TOP1MT: variants seen among roughly 807,000 people sequenced by gnomAD.
The protein encoded by TOP1MT is DNA topoisomerase I, mitochondrial.
TOP1MT carries 80 observed loss-of-function variants against 73.9 expected under a neutral mutation model. The observed-to-expected ratio is 1.08, with a 90% CI of 0.90 to 1.30. TOP1MT has a LOEUF of 1.30. Among genes scored for constraint, TOP1MT ranks in the 50% most tolerant of loss-of-function variants. The pLI is 0.00. For synonymous variants in TOP1MT, 338 were observed against 326.4 expected, an observed-to-expected ratio of 1.04 and a Z score of -0.38; for missense variants, 815 against 808.0, an observed-to-expected ratio of 1.01 and a Z score of -0.10.
At chr8:143,325,586 C>A in intron 4 of TOP1MT, 53 bp from the exon 5 acceptor site, 1 of 1,544,456 alleles carries the variant, frequency 6.5e-7, no homozygotes, top group Non-Finnish European at 8.9e-7. Context: ...AGAGAACAGG[C>A]CTCAGTCCGT....
In TOP1MT at chr8:143,318,097, A is replaced by G. The variant is rs1348120195; in HGVS notation, c.1147-11T>C. On this transcript the variant is annotated splice_polypyrimidine_tract_variant and intron_variant, in intron 8 of 13. Transcript: ENST00000329245. ...TAAGTTCTTGTACACCTGAAGGAGA[A>G]AGAAGGAATTTCAGAGGACAGAAAA... is the stretch of plus-strand genomic sequence containing the variant. 6.2e-7 allele frequency: 1 copy of G among 1,613,790 alleles called. No individual in the cohort carries two copies. The highest frequency in any genetic ancestry group is 8.5e-7 in the Non-Finnish European group (1 of 1,179,718).
intron 1 of TOP1MT, among the ~76,000 whole-genome samples, chr8:143,350,006 T>G (rs922570843): frequency 6.6e-6 from 1 of 152,146 alleles, no homozygotes; most frequent in African/African-American, 2.4e-5. Flanking sequence ...ATTACACCAA[T>G]TCAAAACTTA....
chr8:143,320,547 G>A (rs1816302405), intron 8 of TOP1MT, among the ~76,000 whole-genome samples: 1 of 152,238 alleles, frequency 6.6e-6, no homozygotes, highest in Non-Finnish European at 1.5e-5. Context: ...GATTACAGGA[G>A]TGCACCACCA....
chr8:143,351,028 G>C (rs1200533015), intron 1 of TOP1MT, among the ~76,000 whole-genome samples: 1 of 152,116 alleles, frequency 6.6e-6, no homozygotes, highest in African/African-American at 2.4e-5. Flanking sequence ...CTTGGTATCT[G>C]ATCGCCTTCA....
intron 10 of TOP1MT, among the ~76,000 whole-genome samples, chr8:143,317,031 G>A (rs1816183012): frequency 6.6e-6 from 1 of 152,244 alleles, no homozygotes; most frequent in African/African-American, 2.4e-5. Flanking sequence ...GGCCTCTGAG[G>A]CCCACGGGTG....
At chr8:143,322,371 G>GGCACGCCACACAC (rs1816463182) in intron 7 of TOP1MT, among the ~76,000 whole-genome samples, 2 of 29,656 alleles carry the variant, frequency 6.7e-5, no homozygotes, top group South Asian at 1.8e-3. Context: ...CACACACACA[G>GGCACGCCACACAC]GCACGCCACA....
chr8:143,322,720 CACAG>C (rs1253067253), intron 7 of TOP1MT, among the ~76,000 whole-genome samples: 1 of 22,268 alleles, frequency 4.5e-5, no homozygotes, highest in Non-Finnish European at 7.7e-5. Flanking sequence ...GCACGCCACA[CACAG>C]GCACGCCACA....
intron 7 of TOP1MT, among the ~76,000 whole-genome samples, chr8:143,323,067 CCACA>C (rs1316180049): frequency 8.0e-6 from 1 of 124,246 alleles, no homozygotes; most frequent in African/African-American, 3.4e-5. Flanking sequence ...CACAGGCACA[CCACA>C]CACGCACGCC....
upstream of TOP1MT, among the ~76,000 whole-genome samples, chr8:143,347,046 G>C: frequency 6.6e-6 from 1 of 151,746 alleles, no homozygotes. Context: ...GTGCAGTGGT[G>C]TGATCTTGGC....
At chr8:143,336,423 GA>G (rs778376632), upstream of TOP1MT, among the ~76,000 whole-genome samples, 10 of 152,146 alleles carry the variant, frequency 6.6e-5, no homozygotes, top group Non-Finnish European at 1.5e-4. Flanking sequence ...CTCAAGAACA[GA>G]ATAGAAAGAA....
chr8:143,342,855 G>A (rs372856892), intron 2 of TOP1MT, among the ~76,000 whole-genome samples: 3 of 148,986 alleles, frequency 2.0e-5, no homozygotes, highest in African/African-American at 5.0e-5. Flanking sequence ...CGTGATCTCG[G>A]CTCACTGCAA....
intron 1 of TOP1MT, chr8:143,332,640 G>C: frequency 8.7e-7 from 1 of 1,153,064 alleles, no homozygotes; most frequent in Non-Finnish European, 1.2e-6. Flanking sequence ...ATTTCTGAAA[G>C]GGCCTTTCTG....
At chr8:143,351,579 C>CA (rs35498119) in intron 1 of TOP1MT, among the ~76,000 whole-genome samples, 10,153 of 91,230 alleles carry the variant, frequency 0.11, 427 homozygotes, top group Middle Eastern at 0.17. Context: ...GACCCAGTCT[C>CA]AAAAAAAAAA....
At position 143,329,395 on chromosome 8, in the gene TOP1MT, T is replaced by C. The variant is rs1816791105; in HGVS notation, c.315A>G (p.Thr105=). ...FYGRMLDHEY[T]TKEVFRKNFF... ...AGTTCTTCCGGAAAACCTCCTTTGT[T>C]GTGTATTCATGATCTAACATCCTCC... The change falls in exon 3 of 14, where the codon ACA becomes ACG. Residue 105 remains threonine, a synonymous_variant. Coordinates refer to ENST00000329245, the MANE Select transcript of TOP1MT (RefSeq NM_052963.3). 1 of 1,610,130 alleles carries C rather than the reference T, an allele frequency of 6.2e-7. No homozygotes were observed. The highest frequency in any genetic ancestry group is 8.5e-7 in the Non-Finnish European group (1 of 1,178,972).
upstream of TOP1MT, among the ~76,000 whole-genome samples, chr8:143,337,299 G>T (rs139359831): frequency 6.6e-6 from 1 of 152,144 alleles, no homozygotes; most frequent in Non-Finnish European, 1.5e-5. Context: ...CAGCTATTTG[G>T]GAGGCTGAGG....
intron 7 of TOP1MT, among the ~76,000 whole-genome samples, chr8:143,321,834 A>ATG (rs1484871999): frequency 3.2e-5 from 1 of 31,278 alleles, no homozygotes; most frequent in Non-Finnish European, 6.7e-5. Flanking sequence ...CGCTACACAC[A>ATG]CACGCCACAC....
intron 1 of TOP1MT, chr8:143,331,657 C>T (rs1816859125): frequency 3.8e-6 from 1 of 263,184 alleles, no homozygotes; most frequent in African/African-American, 2.2e-5. Flanking sequence ...GGCTCTAGGG[C>T]CTCTCCCCAG....
upstream of TOP1MT, among the ~76,000 whole-genome samples, chr8:143,348,922 AAACCCACTTGAGCATCTGACCTACAGAAC>A (rs570828616): frequency 2.9e-3 from 443 of 152,296 alleles, 4 homozygotes; most frequent in Middle Eastern, 0.017. This position sits in a 1 kb window ranked among gnomAD's most constrained non-coding sequence, Gnocchi z 4.6. Flanking sequence ...GAATCCTGCC[AAACCCACTTGAGCATCTGACCTACAGAAC>A]TGTGAGCTAT....
upstream of TOP1MT, among the ~76,000 whole-genome samples, chr8:143,348,862 GC>G (rs1267835622): frequency 2.6e-5 from 4 of 152,222 alleles, no homozygotes; most frequent in Non-Finnish European, 4.4e-5. This position sits in a 1 kb window ranked among gnomAD's most constrained non-coding sequence, Gnocchi z 4.6. Flanking sequence ...CAGGAGCCCA[GC>G]CCGGCCAGCG....
Sources: gnomAD v4.1 joint callset for allele counts (sites outside exome capture counted in the v4.1 genomes callset) on GRCh38, gnomAD v4.1.1 for gene constraint, Gnocchi (gnomAD v3.1) non-coding constraint, MANE v1.5 for transcripts, NCBI Gene and HGNC (gene_info 2026-07-23, HGNC 2026-07-21) for gene names.